PCDHGA7: variants seen among roughly 807,000 people sequenced by gnomAD.
PCDHGA7 encodes the protein protocadherin gamma-A7.
Under a neutral mutation model 58.3 loss-of-function variants are expected in PCDHGA7, and 44 were observed. The ratio of observed to expected loss-of-function variants is 0.75; its 90% CI spans 0.59 to 0.97. The LOEUF is 0.97. PCDHGA7 is among the 50% of genes least tolerant of loss of function. The pLI, the probability that PCDHGA7 is intolerant of heterozygous loss-of-function variation, is 0.00. For missense variants in PCDHGA7, 1,266 were observed against 1,188.7 expected, an observed-to-expected ratio of 1.06 and a Z score of -0.96; for synonymous variants, 516 against 504.2, an observed-to-expected ratio of 1.02 and a Z score of -0.31.
At chr5:141,413,295 T>C in intron 1 of PCDHGA7, 1 of 1,613,940 alleles carries the variant, frequency 6.2e-7, no homozygotes, top group Middle Eastern at 1.7e-4. Context: ...ACTCAATTCC[T>C]GAGGAATTAG....
At chr5:141,481,860 G>A (rs1379910129) in intron 1 of PCDHGA7, among the ~76,000 whole-genome samples, 1 of 148,492 alleles carries the variant, frequency 6.7e-6, no homozygotes, top group Non-Finnish European at 1.5e-5. Context: ...GTTGCAGTGA[G>A]CCGAGATCGC....
At chr5:141,481,963 TA>T (rs1158466251) in intron 1 of PCDHGA7, among the ~76,000 whole-genome samples, 1 of 148,746 alleles carries the variant, frequency 6.7e-6, no homozygotes, top group Non-Finnish European at 1.5e-5. Context: ...CAGGTGCCTG[TA>T]GTCACAGCTA....
At chr5:141,465,467 C>T (rs2099103834) in intron 1 of PCDHGA7, among the ~76,000 whole-genome samples, 1 of 152,178 alleles carries the variant, frequency 6.6e-6, no homozygotes, top group Non-Finnish European at 1.5e-5. Flanking sequence ...CCAAATTGCC[C>T]TTGCTTCATG....
intron 1 of PCDHGA7, chr5:141,393,048 C>T (rs745354934): frequency 1.2e-6 from 2 of 1,613,672 alleles, no homozygotes; most frequent in African/African-American, 1.3e-5. Context: ...TGCTCTGAAC[C>T]CGCGCAGCGG....
At chr5:141,409,979 G>T in intron 1 of PCDHGA7, 1 of 1,613,348 alleles carries the variant, frequency 6.2e-7, no homozygotes, top group Non-Finnish European at 8.5e-7. Flanking sequence ...TAAGGTGGTA[G>T]CGGTGGACGC....
intron 1 of PCDHGA7, chr5:141,399,220 A>T: frequency 6.2e-7 from 1 of 1,613,966 alleles, no homozygotes; most frequent in East Asian, 2.2e-5. Flanking sequence ...AATTGCTTTG[A>T]TCAAAATACA....
At chr5:141,407,360 A>G (rs1024336863) in intron 1 of PCDHGA7, among the ~76,000 whole-genome samples, 1 of 152,232 alleles carries the variant, frequency 6.6e-6, no homozygotes, top group Non-Finnish European at 1.5e-5. Flanking sequence ...GGAAAACATA[A>G]CAGATATCCA....
rs773340535 is a variant in PCDHGA7, at chr5:141,388,285, C to G, written c.2424+2962C>G. Reference sequence around the variant, plus strand: ...ATTAATGACCACACGCCAAAATTCACGCAAAATTCCTTTGAGCTGCAAATA... The same window carrying G: ...ATTAATGACCACACGCCAAAATTCAGGCAAAATTCCTTTGAGCTGCAAATA... On this transcript the variant is annotated intron_variant, in intron 1 of 3. Transcript: ENST00000518325. 3 of 1,613,318 alleles carry G rather than the reference C, an allele frequency of 1.9e-6. No homozygotes were observed. The Admixed American group carries it at 5.0e-5, about 27-fold the overall frequency.
chr5:141,408,197 C>A (rs2095057098), intron 1 of PCDHGA7: 5 of 1,546,080 alleles, frequency 3.2e-6, no homozygotes, highest in Non-Finnish European at 4.4e-6. Context: ...AGAACCCGAG[C>A]GAACGATGGG....
In PCDHGA7 at chr5:141,476,299, C is replaced by T; in HGVS notation, c.2425-18508C>T. ...ACCTTGGTTTGGATCTCGGTAGCCT[C>T]TCAGCCCGCAGGTTCCGGGTGGTGT... On this transcript the variant is annotated intron_variant, in intron 1 of 3. Transcript: ENST00000518325. The surrounding 1 kb of genome is among the most constrained non-coding windows in gnomAD (Gnocchi z 7.6). The T allele has an allele frequency of 6.2e-7, 1 of 1,614,100 alleles. No individual in the cohort carries two copies. The highest frequency in any genetic ancestry group is 1.1e-5 in the South Asian group (1 of 91,074).
chr5:141,396,662 G>C (rs1589287769), intron 1 of PCDHGA7: 1 of 151,614 alleles, frequency 6.6e-6, no homozygotes, highest in Admixed American at 6.6e-5. Context: ...ACTCGGTATA[G>C]GCTATCCATT....
intron 1 of PCDHGA7, chr5:141,413,935 A>G: frequency 1.2e-6 from 2 of 1,613,372 alleles, no homozygotes; most frequent in Non-Finnish European, 1.7e-6. Flanking sequence ...ATACCGAGTG[A>G]GTGTTCCTGA....
intron 1 of PCDHGA7, chr5:141,419,137 CAG>C (rs1561778402): frequency 1.2e-6 from 2 of 1,613,892 alleles, no homozygotes; most frequent in South Asian, 1.1e-5. Context: ...CAGCCACAGA[CAG>C]GGGCAAGCCT....
At chr5:141,400,773 T>A in intron 1 of PCDHGA7, 1 of 572,450 alleles carries the variant, frequency 1.7e-6, no homozygotes, top group East Asian at 2.9e-5. Flanking sequence ...AAACATTTGG[T>A]GCGTTTTTTT....
rs779656906 is a variant in PCDHGA7 at position 141,476,872 on chromosome 5, C to T, written c.2425-17935C>T. On this transcript the variant is annotated intron_variant, in intron 1 of 3. Transcript: ENST00000518325. The surrounding 1 kb of genome is among the most constrained non-coding windows in gnomAD (Gnocchi z 7.6). ...TCAACCAGTCCTTGTACCGGGCGCG[C>T]GTCCTGGAGGATGCACCCTCCGGCA... 1.6e-4 allele frequency: 254 copies of T among 1,613,734 alleles called. No individual in the cohort carries two copies. The highest frequency in any genetic ancestry group is 2.1e-4 in the Non-Finnish European group (248 of 1,180,054).
At chr5:141,402,859 G>A (rs1314987043) in intron 1 of PCDHGA7, 8 of 1,428,738 alleles carry the variant, frequency 5.6e-6, no homozygotes, top group Non-Finnish European at 7.4e-6. Flanking sequence ...TTCTTCTAAG[G>A]AAAAGATCAC....
In PCDHGA7 at chr5:141,414,051, A is replaced by G. The variant is rs747091153; in HGVS notation, c.2424+28728A>G. ...CATTCCGAAAATTACCTGACACGCA[A>G]TTGTTGAAGTTCCAACTAAACAAAT... On this transcript the variant is annotated intron_variant, in intron 1 of 3. Coordinates refer to ENST00000518325, the MANE Select transcript of PCDHGA7 (RefSeq NM_018920.4). 5.0e-6 allele frequency: 8 copies of G among 1,610,748 alleles called. No individual in the cohort carries two copies. The Admixed American group carries it at 8.4e-5, about 17-fold the overall frequency.
chr5:141,403,816 A>G (rs2094457403), intron 1 of PCDHGA7: 4 of 1,613,874 alleles, frequency 2.5e-6, no homozygotes, highest in Non-Finnish European at 3.4e-6. Context: ...ATGAAAAACA[A>G]TCTCTGCTAT....
intron 1 of PCDHGA7, chr5:141,410,110 C>A (rs1361292941): frequency 6.2e-7 from 1 of 1,612,540 alleles, no homozygotes; most frequent in Admixed American, 1.7e-5. Flanking sequence ...GCGACAGGGA[C>A]GCAGCCCGCC....
Sources: allele counts gnomAD v4.1 joint callset (sites outside exome capture counted in the v4.1 genomes callset), GRCh38; gene constraint gnomAD v4.1.1; non-coding constraint Gnocchi (gnomAD v3.1); transcripts MANE v1.5; gene names NCBI Gene and HGNC (gene_info 2026-07-23, HGNC 2026-07-21).